The following DLC1 variants were observed in gnomAD, a reference collection of about 807,000 sequenced individuals.
DLC1 encodes rho GTPase-activating protein 7.
Under a neutral mutation model 140.3 loss-of-function variants are expected in DLC1, and 54 were observed. The observed-to-expected ratio is 0.38, with a 90% CI of 0.31 to 0.48. The LOEUF (loss-of-function observed/expected upper bound fraction) is 0.48. Among genes scored for constraint, DLC1 ranks in the 20% least tolerant of loss-of-function variants. The pLI is 0.96. For missense variants in DLC1, 2,536 were observed against 1,907.0 expected, an observed-to-expected ratio of 1.33 and a Z score of -6.14; for synonymous variants, 986 against 728.1, an observed-to-expected ratio of 1.35 and a Z score of -5.70.
Position 13,287,234 on chromosome 8 carries a change from A to G in DLC1, c.1348+18035T>C, listed in dbSNP as rs142690787. Among the ~76,000 whole-genome samples, 454 of 152,322 alleles carry G rather than the reference A, an allele frequency of 3.0e-3. 3 individuals carry two copies. The highest frequency in any genetic ancestry group is 5.4e-3 in the South Asian group (26 of 4,828). On this transcript the variant is annotated intron_variant, in intron 5 of 17. Coordinates refer to ENST00000276297, the MANE Select transcript of DLC1 (RefSeq NM_182643.3). Reference sequence around the variant, plus strand: ...TCTGAAACTAATCAAAGTGTGGCCAATTCAATGTATGGCTCGTCAGGGTCT... The same window carrying G: ...TCTGAAACTAATCAAAGTGTGGCCAGTTCAATGTATGGCTCGTCAGGGTCT...
At chr8:13,170,326 A>C (rs1825373928) in intron 5 of DLC1, among the ~76,000 whole-genome samples, 1 of 152,228 alleles carries the variant, frequency 6.6e-6, no homozygotes, top group South Asian at 2.1e-4. Context: ...TTGAGAAGAA[A>C]ATCCATTAAA....
At chr8:13,506,142 A>G (rs1226776032) in intron 1 of DLC1, among the ~76,000 whole-genome samples, 1 of 152,090 alleles carries the variant, frequency 6.6e-6, no homozygotes, top group Non-Finnish European at 1.5e-5. Context: ...TTGAGAATAC[A>G]TGTGATATAT....
chr8:13,390,389 C>T (rs972249726), intron 4 of DLC1, among the ~76,000 whole-genome samples: 2 of 152,132 alleles, frequency 1.3e-5, no homozygotes, highest in Non-Finnish European at 2.9e-5. Flanking sequence ...CGGGTTGGTT[C>T]CATGTCTTTG....
intron 5 of DLC1, among the ~76,000 whole-genome samples, chr8:13,208,067 T>G (rs1475663778): frequency 1.3e-5 from 2 of 152,192 alleles, no homozygotes; most frequent in Non-Finnish European, 2.9e-5. Context: ...ATCTTATGTT[T>G]AGCTCTGTGA....
At chr8:13,086,918 C>G (rs903788019) in intron 16 of DLC1, among the ~76,000 whole-genome samples, 1 of 151,866 alleles carries the variant, frequency 6.6e-6, no homozygotes, top group East Asian at 1.9e-4. Context: ...TCAGCTACTC[C>G]GGGGGCTGAG....
chr8:13,115,097 T>C (rs1820438630), intron 6 of DLC1, among the ~76,000 whole-genome samples: 1 of 152,154 alleles, frequency 6.6e-6, no homozygotes, highest in African/African-American at 2.4e-5. Flanking sequence ...AGAGTGTGGA[T>C]ATGAATAAAC....
At chr8:13,280,716 T>C (rs765472960) in intron 5 of DLC1, among the ~76,000 whole-genome samples, 1 of 152,224 alleles carries the variant, frequency 6.6e-6, no homozygotes, top group Non-Finnish European at 1.5e-5. Context: ...CTGTTGCTGA[T>C]GAAAATCATT....
intron 1 of DLC1, among the ~76,000 whole-genome samples, chr8:13,547,913 C>T (rs13259753): frequency 0.28 from 42,479 of 151,818 alleles, 6,189 homozygotes; most frequent in Admixed American, 0.3. Context: ...TCTTGTCTTC[C>T]GGATGAAATT....
chr8:13,100,879 T>C, intron 8 of DLC1, 109 bp from the exon 9 acceptor site: 1 of 1,171,148 alleles, frequency 8.5e-7, no homozygotes, highest in Non-Finnish European at 1.1e-6. Context: ...ATTTCCCCCT[T>C]GTACTTCATG....
intron 2 of DLC1, among the ~76,000 whole-genome samples, chr8:13,459,827 C>G (rs1445330253): frequency 6.6e-6 from 1 of 152,134 alleles, no homozygotes; most frequent in Non-Finnish European, 1.5e-5. Flanking sequence ...ATACAAATGC[C>G]ACATAACACA....
chr8:13,592,718 G>A (rs1805557811), intron 1 of DLC1, among the ~76,000 whole-genome samples: 1 of 152,054 alleles, frequency 6.6e-6, no homozygotes, highest in South Asian at 2.1e-4. Flanking sequence ...GAAGGCACTG[G>A]GAGCAGTGTT....
chr8:13,530,499 G>A (rs1008777901), intron 1 of DLC1, among the ~76,000 whole-genome samples: 1 of 152,124 alleles, frequency 6.6e-6, no homozygotes, highest in Non-Finnish European at 1.5e-5. Flanking sequence ...TGGCTTTGCT[G>A]TGTGTGTGCA....
intron 5 of DLC1, among the ~76,000 whole-genome samples, chr8:13,169,341 T>C (rs1825307164): frequency 6.6e-6 from 1 of 152,226 alleles, no homozygotes; most frequent in African/African-American, 2.4e-5. Flanking sequence ...GAATTACATA[T>C]GAGAACGTGG....
intron 4 of DLC1, among the ~76,000 whole-genome samples, chr8:13,312,905 T>A (rs1832737726): frequency 1.3e-5 from 2 of 152,190 alleles, no homozygotes. Flanking sequence ...ATACTCAAGA[T>A]AATTAACTTA....
intron 5 of DLC1, among the ~76,000 whole-genome samples, chr8:13,238,936 G>A (rs993863103): frequency 6.6e-6 from 1 of 152,200 alleles, no homozygotes; most frequent in Non-Finnish European, 1.5e-5. Context: ...TGTGGGGGGT[G>A]TAGGGGGAAA....
chr8:13,229,106 T>G (rs1828931354), intron 5 of DLC1, among the ~76,000 whole-genome samples: 1 of 152,160 alleles, frequency 6.6e-6, no homozygotes, highest in Non-Finnish European at 1.5e-5. Flanking sequence ...CGAAAATGCA[T>G]GCTCACACAA....
chr8:13,100,742 C>A lies in DLC1; in HGVS notation c.1595G>T (p.Cys532Phe), dbSNP rs761909901. 3.1e-6 allele frequency: 5 copies of A among 1,591,408 alleles called. No homozygotes were observed. The East Asian group carries it at 1.1e-4, about 36-fold the overall frequency. The change falls in exon 9 of 18, where the codon TGT (cysteine) becomes TTT (phenylalanine). Residue 532 changes from cysteine to phenylalanine, a missense_variant. Cys to Phe is a radical substitution (Grantham distance 205). Transcript: ENST00000276297. Reference protein sequence around the residue: ...RSDDSDEDEPCAISGKWTFQR... With the variant: ...RSDDSDEDEPFAISGKWTFQR... ...GAAAGTCCATTTGCCACTGATGGCA[C>A]AAGGCTCATCCTCGTCTGAATCGTC...
At chr8:13,361,939 C>T (rs1209081594) in intron 4 of DLC1, among the ~76,000 whole-genome samples, 1 of 152,142 alleles carries the variant, frequency 6.6e-6, no homozygotes, top group Non-Finnish European at 1.5e-5. Context: ...ACAGATTTCC[C>T]ATATAGTCAA....
intron 2 of DLC1, among the ~76,000 whole-genome samples, chr8:13,476,303 C>G (rs770000550): frequency 1.3e-5 from 2 of 152,074 alleles, no homozygotes; most frequent in East Asian, 3.9e-4. Context: ...CAAGTTTAAT[C>G]TCTATTAAAA....
Sources: gnomAD v4.1 joint callset for allele counts (sites outside exome capture counted in the v4.1 genomes callset) on GRCh38, gnomAD v4.1.1 for gene constraint, MANE v1.5 for transcripts, NCBI Gene and HGNC (gene_info 2026-07-23, HGNC 2026-07-21) for gene names.